Variants in CPNE6 observed in about 807,000 individuals in gnomAD.
CPNE6 encodes the protein copine 6.
Under a neutral mutation model 71.5 loss-of-function variants are expected in CPNE6, and 33 were observed. The ratio of observed to expected loss-of-function variants is 0.46; its 90% CI spans 0.35 to 0.62. The LOEUF (loss-of-function observed/expected upper bound fraction) is 0.62, where lower values mean the gene tolerates loss of function less well. Ranked by LOEUF, CPNE6 falls within the 20% of genes least tolerant of loss-of-function variation. The pLI is 0.00. For missense variants in CPNE6, 576 were observed against 747.3 expected, an observed-to-expected ratio of 0.77 and a Z score of 2.67; for synonymous variants, 296 against 293.0, an observed-to-expected ratio of 1.01 and a Z score of -0.10.
At chr14:24,071,105 G>T in intron 1 of CPNE6, 1 of 1,400,942 alleles carries the variant, frequency 7.1e-7, no homozygotes, top group Non-Finnish European at 9.7e-7. Flanking sequence ...TCCTTAGCTA[G>T]TGTAACAATG....
Position 24,073,918 on chromosome 14 carries a change from T to C in CPNE6, c.349-133T>C. On this transcript the variant is annotated intron_variant, in intron 4 of 17. Coordinates refer to ENST00000397016, the Ensembl canonical transcript of CPNE6. This position sits in a 1 kb window ranked among gnomAD's most constrained non-coding sequence, Gnocchi z 5.5. ...TTCCCTCTTCAGACTATTGTAAAAATTGAGCCCAACCCTAGCCCAACTCAA... is the reference window on the plus strand; with the variant it reads ...TTCCCTCTTCAGACTATTGTAAAAACTGAGCCCAACCCTAGCCCAACTCAA... 2 of 911,404 alleles carry C rather than the reference T, an allele frequency of 2.2e-6. No homozygotes were observed. The highest frequency in any genetic ancestry group is 2.0e-5 in the Admixed American group (1 of 48,898). The allele number at this position is 911,404 out of a possible 1,614,324, so 56.5% of individuals were successfully genotyped here. A position where few individuals can be genotyped will look rare whatever the true frequency, so the allele number is the denominator to read the frequency against.
Position 24,077,186 on chromosome 14 carries a change from T to C in CPNE6, c.1332T>C (p.Gly444=). 2.5e-6 allele frequency: 4 copies of C among 1,608,206 alleles called. No homozygotes were observed. The highest frequency in any genetic ancestry group is 2.5e-6 in the Non-Finnish European group (3 of 1,179,812). ...CGGTGCTGCTGGTGCTCACTGACGG[T>C]GTGGTGAGCGACATGGCTGAGACTC... is the stretch of plus-strand genomic sequence containing the variant. The change falls in exon 16 of 18, where the codon GGT becomes GGC. Residue 444 remains glycine, a synonymous_variant. Transcript: ENST00000397016. This position sits in a 1 kb window ranked among gnomAD's most constrained non-coding sequence, Gnocchi z 6.1.
rs1388103168 is a variant in CPNE6 at position 24,076,036 on chromosome 14, A to G, written c.925-113A>G. On this transcript the variant is annotated intron_variant, in intron 11 of 17. Transcript: ENST00000397016. ...TGCACCCCCACATCATTATGTGGCTACCTGTAGCCTCCCCACCACTCATCT... is the reference window on the plus strand; with the variant it reads ...TGCACCCCCACATCATTATGTGGCTGCCTGTAGCCTCCCCACCACTCATCT... The G allele has an allele frequency of 2.0e-6, 3 of 1,508,498 alleles. No individual in the cohort carries two copies. In the Admixed American group the frequency reaches 5.2e-5, roughly 26 times the overall value. The allele number at this position is 1,508,498 out of a possible 1,614,324, so 93.4% of individuals were successfully genotyped here. A position where few individuals can be genotyped will look rare whatever the true frequency, so the allele number is the denominator to read the frequency against.
Position 24,077,300 on chromosome 14 carries a change from G to T in CPNE6, c.1446G>T (p.Leu482=), listed in dbSNP as rs529600862. The T allele has an allele frequency of 2.5e-6, 4 of 1,613,764 alleles. No individual in the cohort carries two copies. The highest frequency in any genetic ancestry group is 3.4e-6 in the Non-Finnish European group (4 of 1,180,030). The change falls in exon 16 of 18, where the codon CTG becomes CTT. Residue 482 remains leucine (L), a synonymous_variant. Coordinates refer to ENST00000397016, the Ensembl canonical transcript of CPNE6. The surrounding 1 kb of genome is among the most constrained non-coding windows in gnomAD (Gnocchi z 6.1). ...CTGACTTCTCTGACATGCGGCTGCT[G>T]GATGGCGACGACGGCCCCTTGCGCT...
chr14:24,073,487 C>A lies in CPNE6; in HGVS notation c.169-12C>A. On this transcript the variant is annotated splice_polypyrimidine_tract_variant and intron_variant, in intron 3 of 17. Transcript: ENST00000397016. The surrounding 1 kb of genome is among the most constrained non-coding windows in gnomAD (Gnocchi z 5.5). ...CCAGACAGCCCTCGCCTCCCTTCAA[C>A]CACTACCACAGGTAGAGCGCACAGA... 1.2e-6 allele frequency: 2 copies of A among 1,610,812 alleles called. No homozygotes were observed. Among genetic ancestry groups the A allele is most frequent in the Non-Finnish European group, 1.7e-6 (2 of 1,178,456 alleles).
In CPNE6 at chr14:24,077,805, G is replaced by A. The variant is rs1023075432; in HGVS notation, c.*37+38G>A. On this transcript the variant is annotated intron_variant, in intron 17 of 17. Coordinates refer to ENST00000397016, the Ensembl canonical transcript of CPNE6. The surrounding 1 kb of genome is among the most constrained non-coding windows in gnomAD (Gnocchi z 6.1). The stretch of plus-strand genomic sequence containing the variant: ...GCTTCCAAAGGAGTGGACACAGGGG[G>A]TGCAAAGTGGGGCTTGGTAGAGCCC... The A allele has an allele frequency of 7.0e-7, 1 of 1,426,896 alleles. No individual in the cohort carries two copies. The allele number at this position is 1,426,896 out of a possible 1,614,324, so 88.4% of individuals were successfully genotyped here. A position where few individuals can be genotyped will look rare whatever the true frequency, so the allele number is the denominator to read the frequency against.
chr14:24,077,199 A>C lies in CPNE6; in HGVS notation c.1345A>C (p.Met449Leu). 6.2e-7 allele frequency: 1 copy of C among 1,610,406 alleles called. No individual in the cohort carries two copies. The highest frequency in any genetic ancestry group is 1.1e-5 in the South Asian group (1 of 91,078). ...GCTCACTGACGGTGTGGTGAGCGACATGGCTGAGACTCGCACTGCTATCGT... is the reference window on the plus strand; with the variant it reads ...GCTCACTGACGGTGTGGTGAGCGACCTGGCTGAGACTCGCACTGCTATCGT... The change falls in exon 16 of 18, where the codon ATG (methionine) becomes CTG (leucine). Residue 449 changes from methionine (M) to leucine (L), a missense_variant. Transcript: ENST00000397016. This position sits in a 1 kb window ranked among gnomAD's most constrained non-coding sequence, Gnocchi z 6.1.
chr14:24,074,477 C>T lies in CPNE6; in HGVS notation c.499-54C>T, dbSNP rs1443338059. ...CTCTTCCCAGTGGGAGCCCATCCCC[C>T]ACCCTCCTTGCAGCTCTCACCAACC... On this transcript the variant is annotated intron_variant, in intron 6 of 17. Coordinates refer to ENST00000397016, the Ensembl canonical transcript of CPNE6. The surrounding 1 kb of genome is among the most constrained non-coding windows in gnomAD (Gnocchi z 4.5). 3.8e-6 allele frequency: 6 copies of T among 1,592,632 alleles called. No individual in the cohort carries two copies. The highest frequency in any genetic ancestry group is 5.2e-6 in the Non-Finnish European group (6 of 1,161,122).
chr14:24,077,799 C>A lies in CPNE6; in HGVS notation c.*37+32C>A, dbSNP rs1230163246. Reference sequence around the variant, plus strand: ...CCTGGGGCTTCCAAAGGAGTGGACACAGGGGGTGCAAAGTGGGGCTTGGTA... The same window carrying A: ...CCTGGGGCTTCCAAAGGAGTGGACAAAGGGGGTGCAAAGTGGGGCTTGGTA... On this transcript the variant is annotated intron_variant, in intron 17 of 17. Transcript: ENST00000397016. This position sits in a 1 kb window ranked among gnomAD's most constrained non-coding sequence, Gnocchi z 6.1. The A allele has an allele frequency of 2.8e-6, 4 of 1,441,290 alleles. No individual in the cohort carries two copies. The East Asian group carries it at 7.5e-5, about 27-fold the overall frequency. 89.3% of individuals were successfully genotyped at this position (1,441,290 alleles called of 1,614,324 possible).
At chr14:24,071,428 C>T in intron 1 of CPNE6, 134 bp from the exon 1 acceptor site, 1 of 1,466,484 alleles carries the variant, frequency 6.8e-7, no homozygotes, top group Non-Finnish European at 9.0e-7. Context: ...TCTGTGGCTC[C>T]CTCCCAGGCT....
chr14:24,076,866 T>C lies in CPNE6; in HGVS notation c.1166-13T>C. ...TCATTTCTGCCAGCTTCACAACTTC[T>C]CTTCACTCACAGAGATCTCAGGGGT... On this transcript the variant is annotated splice_polypyrimidine_tract_variant and intron_variant, in intron 14 of 17. Coordinates refer to ENST00000397016, the Ensembl canonical transcript of CPNE6. 6.2e-7 allele frequency: 1 copy of C among 1,611,944 alleles called. No homozygotes were observed. Among genetic ancestry groups the C allele is most frequent in the South Asian group, 1.1e-5 (1 of 91,084 alleles).
chr14:24,076,554 G>A (rs571856891), exon 14 of CPNE6: 1 of 1,614,126 alleles, frequency 6.2e-7, no homozygotes, highest in East Asian at 2.2e-5. Flanking sequence ...TCCTGAATGT[G>A]AAGGTAAAAG....
At position 24,074,576 on chromosome 14, in the gene CPNE6, A is replaced by T; in HGVS notation, c.544A>T (p.Asn182Tyr). ...CCCTTTCATGGAAATCTATAAGACC[A>T]ACGAGGACCAAAGTGATCAGCTGGT... Residue 182 changes from asparagine to tyrosine, a missense_variant, in exon 7 of 18, where the codon AAC becomes TAC. By Grantham distance (143) the Asn-to-Tyr change is moderately radical. Coordinates refer to ENST00000397016, the Ensembl canonical transcript of CPNE6. The surrounding 1 kb of genome is among the most constrained non-coding windows in gnomAD (Gnocchi z 4.5). The T allele has an allele frequency of 6.2e-7, 1 of 1,614,208 alleles. No individual in the cohort carries two copies. The highest frequency in any genetic ancestry group is 2.2e-5 in the East Asian group (1 of 44,890).
chr14:24,075,723 C>A lies in CPNE6; in HGVS notation c.865-104C>A. On this transcript the variant is annotated intron_variant, in intron 10 of 17. Transcript: ENST00000397016. This position sits in a 1 kb window ranked among gnomAD's most constrained non-coding sequence, Gnocchi z 4.3. ...ACTGGAAACCACCCCCAACTGCAACCCAAAAAACTCTGGCTCCCCCATGTT... is the reference window on the plus strand; with the variant it reads ...ACTGGAAACCACCCCCAACTGCAACACAAAAAACTCTGGCTCCCCCATGTT... 7.3e-7 allele frequency: 1 copy of A among 1,376,348 alleles called. No homozygotes were observed. Among genetic ancestry groups the A allele is most frequent in the Non-Finnish European group, 1.0e-6 (1 of 978,582 alleles). 85.3% of individuals were successfully genotyped at this position (1,376,348 alleles called of 1,614,324 possible). A position where few individuals can be genotyped will look rare whatever the true frequency, so the allele number is the denominator to read the frequency against.
chr14:24,076,131 C>T lies in CPNE6; in HGVS notation c.925-18C>T. On this transcript the variant is annotated intron_variant, in intron 11 of 17. Transcript: ENST00000397016. ...GCTCTCATGGTTGCAGCATGACCTTCTTCCCACCCCCACCCAGGTGGCCAT... is the reference window on the plus strand; with the variant it reads ...GCTCTCATGGTTGCAGCATGACCTTTTTCCCACCCCCACCCAGGTGGCCAT... The T allele has an allele frequency of 6.2e-7, 1 of 1,610,408 alleles. No homozygotes were observed. Among genetic ancestry groups the T allele is most frequent in the Non-Finnish European group, 8.5e-7 (1 of 1,178,242 alleles).
chr14:24,076,754 C>T (rs1334384389), intron 14 of CPNE6, 125 bp from the exon 14 acceptor site: 2 of 1,519,494 alleles, frequency 1.3e-6, no homozygotes, highest in Non-Finnish European at 1.8e-6. Context: ...AACTCTCCCA[C>T]TGCTTAATGA....
At chr14:24,076,823 G>T in intron 14 of CPNE6, 56 bp from the exon 14 acceptor site, 1 of 1,606,956 alleles carries the variant, frequency 6.2e-7, no homozygotes, top group Non-Finnish European at 8.5e-7. Context: ...TTTAAGGAGT[G>T]TCAGGAGGGG....
Position 24,075,606 on chromosome 14 carries a change from C to A in CPNE6, c.864+15C>A, listed in dbSNP as rs778863020. The A allele has an allele frequency of 5.0e-6, 8 of 1,596,944 alleles. No homozygotes were observed. The highest frequency in any genetic ancestry group is 6.8e-6 in the Non-Finnish European group (8 of 1,169,486). On this transcript the variant is annotated intron_variant, in intron 10 of 17. Coordinates refer to ENST00000397016, the Ensembl canonical transcript of CPNE6. This position sits in a 1 kb window ranked among gnomAD's most constrained non-coding sequence, Gnocchi z 4.3. ...CCCAGTGCACGGTAAATTTCACTTC[C>A]TGCTTCAAGCCTTGCCCCAGCCCCT...
At position 24,073,930 on chromosome 14, in the gene CPNE6, C is replaced by A; in HGVS notation, c.349-121C>A. 1.0e-6 allele frequency: 1 copy of A among 1,003,818 alleles called. No individual in the cohort carries two copies. The highest frequency in any genetic ancestry group is 1.6e-6 in the Non-Finnish European group (1 of 644,276). The allele number at this position is 1,003,818 out of a possible 1,614,324, so 62.2% of individuals were successfully genotyped here. ...ACTATTGTAAAAATTGAGCCCAACC[C>A]TAGCCCAACTCAAAGTGCCAACCCT... On this transcript the variant is annotated intron_variant, in intron 4 of 17. Coordinates refer to ENST00000397016, the Ensembl canonical transcript of CPNE6. This position sits in a 1 kb window ranked among gnomAD's most constrained non-coding sequence, Gnocchi z 5.5.
Sources: allele counts gnomAD v4.1 joint callset, GRCh38; gene constraint gnomAD v4.1.1; non-coding constraint Gnocchi (gnomAD v3.1); transcripts MANE v1.5; gene names NCBI Gene and HGNC (gene_info 2026-07-23, HGNC 2026-07-21).